PCDHA10: variants seen among roughly 807,000 people sequenced by gnomAD.
PCDHA10 encodes the protein protocadherin alpha 10, also known as protocadherin alpha-10.
In PCDHA10, 45 loss-of-function variants were observed where a neutral mutation model predicts 61.2. The observed-to-expected ratio is 0.74, with a 90% CI of 0.58 to 0.94. PCDHA10 has a LOEUF of 0.94. PCDHA10 is among the 40% of genes least tolerant of loss of function. The pLI, the probability that PCDHA10 is intolerant of heterozygous loss-of-function variation, is 0.00. For missense variants in PCDHA10, 1,278 were observed against 1,236.2 expected, an observed-to-expected ratio of 1.03 and a Z score of -0.51; for synonymous variants, 602 against 548.8, an observed-to-expected ratio of 1.10 and a Z score of -1.35.
intron 3 of PCDHA10, among the ~76,000 whole-genome samples, chr5:140,982,824 GGTTT>G (rs74513655): frequency 0.037 from 5,640 of 152,044 alleles, 162 homozygotes; most frequent in Non-Finnish European, 0.055. Flanking sequence ...AAGTTTTTGG[GGTTT>G]GTTTGTTTGT....
chr5:140,943,603 G>A (rs1554215788), intron 1 of PCDHA10, among the ~76,000 whole-genome samples: 1 of 152,100 alleles, frequency 6.6e-6, no homozygotes, highest in African/African-American at 2.4e-5. Context: ...TCTAAATATA[G>A]ACTTTGATTC....
chr5:141,006,282 G>A (rs2098265578), intron 3 of PCDHA10, among the ~76,000 whole-genome samples: 1 of 151,970 alleles, frequency 6.6e-6, no homozygotes, highest in Non-Finnish European at 1.5e-5. Context: ...CACGATCTCA[G>A]CTCACTGCAA....
In PCDHA10 at chr5:140,875,437, C is replaced by CTGAT. The variant is rs782126939; in HGVS notation, c.2388+17004_2388+17007dup. The stretch of plus-strand genomic sequence containing the variant: ...ACCTCAGGCAAGCGATCCCTTAAAA[C>CTGAT]TGATTGTCCCAACTCAGAGGCCCTC... On this transcript the variant is annotated intron_variant, in intron 1 of 3. Transcript: ENST00000307360. 4 of 1,565,778 alleles carry CTGAT rather than the reference C, an allele frequency of 2.6e-6. No homozygotes were observed. In the South Asian group the frequency reaches 3.6e-5, roughly 14 times the overall value.
intron 1 of PCDHA10, among the ~76,000 whole-genome samples, chr5:140,911,380 T>C (rs1365945638): frequency 4.6e-5 from 7 of 152,212 alleles, no homozygotes; most frequent in African/African-American, 1.7e-4. Flanking sequence ...AGGCTGTGCA[T>C]GCACCTTTCA....
At chr5:140,881,638 A>G (rs1237929257) in intron 1 of PCDHA10, among the ~76,000 whole-genome samples, 1 of 152,214 alleles carries the variant, frequency 6.6e-6, no homozygotes, top group Non-Finnish European at 1.5e-5. Context: ...TCAGTTACCA[A>G]TATTTTTCAC....
At chr5:140,981,601 T>C (rs2096939953) in intron 2 of PCDHA10, among the ~76,000 whole-genome samples, 1 of 152,086 alleles carries the variant, frequency 6.6e-6, no homozygotes, top group Non-Finnish European at 1.5e-5. Flanking sequence ...AACAAAATGT[T>C]CCTCTAATTT....
intron 1 of PCDHA10, chr5:140,883,972 C>G (rs781784485): frequency 3.1e-6 from 5 of 1,612,854 alleles, no homozygotes; most frequent in Non-Finnish European, 4.2e-6. Context: ...TGCTGACGCC[C>G]GGGGCTGGCA....
In PCDHA10 at chr5:140,947,881, A is replaced by G. The variant is rs191017624; in HGVS notation, c.2389-31068A>G. On this transcript the variant is annotated intron_variant, in intron 1 of 3. Transcript: ENST00000307360. ...TATAATGGCTAGGACTTCCAGGACA[A>G]TATAAACAGAAGTGGTGAGAGCAGA... 2.7e-3 allele frequency among the ~76,000 whole-genome samples: 417 copies of G among 151,684 alleles called. 2 individuals carry two copies. Among genetic ancestry groups the G allele is most frequent in the Middle Eastern group, 0.014 (4 of 294 alleles).
At chr5:140,870,073 A>T in intron 1 of PCDHA10, 1 of 1,613,872 alleles carries the variant, frequency 6.2e-7, no homozygotes, top group Non-Finnish European at 8.5e-7. Context: ...GGCTACAGAT[A>T]AGGGGACTCC....
At chr5:140,906,872 C>T (rs1421521976) in intron 1 of PCDHA10, among the ~76,000 whole-genome samples, 4 of 152,230 alleles carry the variant, frequency 2.6e-5, no homozygotes, top group African/African-American at 9.6e-5. Flanking sequence ...CCAGCCAACA[C>T]TGTAACTTCC....
At chr5:140,899,204 C>T (rs1286752140) in intron 1 of PCDHA10, among the ~76,000 whole-genome samples, 2 of 151,972 alleles carry the variant, frequency 1.3e-5, no homozygotes, top group African/African-American at 4.8e-5. Context: ...CCTAATTGCC[C>T]TGGCCAGAAC....
rs2044616338 is a variant in PCDHA10 at position 140,857,471 on chromosome 5, A to T, written c.1423A>T (p.Thr475Ser). The change falls in exon 1 of 4, where the codon ACG (threonine) becomes TCG (serine). Residue 475 changes from threonine to serine, a missense_variant. Transcript: ENST00000307360. ...ENNPPGCHIF[T>S]VSAWDADAQE... ...CAACCCGCCAGGCTGCCACATCTTC[A>T]CGGTGTCTGCGTGGGACGCGGACGC... is the stretch of plus-strand genomic sequence containing the variant. 6.3e-7 allele frequency: 1 copy of T among 1,598,536 alleles called. No homozygotes were observed. The highest frequency in any genetic ancestry group is 8.6e-7 in the Non-Finnish European group (1 of 1,167,882).
chr5:140,980,294 A>G (rs1325974235), intron 2 of PCDHA10, among the ~76,000 whole-genome samples: 1 of 152,234 alleles, frequency 6.6e-6, no homozygotes, highest in Non-Finnish European at 1.5e-5. Context: ...TACCAAAGCT[A>G]TGAGTTGTGC....
At chr5:140,901,599 A>G (rs1196199794) in intron 1 of PCDHA10, among the ~76,000 whole-genome samples, 2 of 152,132 alleles carry the variant, frequency 1.3e-5, no homozygotes, top group South Asian at 2.1e-4. Flanking sequence ...TTTGGTTACT[A>G]TATCTCTATG....
chr5:140,968,405 G>C (rs2096244938), intron 1 of PCDHA10: 7 of 1,614,002 alleles, frequency 4.3e-6, no homozygotes, highest in Non-Finnish European at 5.9e-6. Flanking sequence ...GGAGTTCTTT[G>C]TGACTGTGGA....
At position 140,856,326 on chromosome 5, in the gene PCDHA10, A is replaced by G; in HGVS notation, c.278A>G (p.Glu93Gly). The G allele has an allele frequency of 6.3e-7, 1 of 1,598,548 alleles. No homozygotes were observed. The highest frequency in any genetic ancestry group is 8.6e-7 in the Non-Finnish European group (1 of 1,168,012). ...GTGAATTCTCGGATTGACCGCGAGG[A>G]GCTGTGCGGGCGGAGCGTGGAGTGC... ...LFVNSRIDRE[E>G]LCGRSVECSI... The change falls in exon 1 of 4, where the codon GAG (glutamate) becomes GGG (glycine). Residue 93 changes from glutamate to glycine, a missense_variant. By Grantham distance (98) the Glu-to-Gly change is moderately conservative. Transcript: ENST00000307360.
intron 1 of PCDHA10, chr5:140,870,708 C>A (rs781841032): frequency 1.9e-6 from 3 of 1,613,016 alleles, no homozygotes; most frequent in East Asian, 4.5e-5. Context: ...TCCAGGTGAG[C>A]GCGCGCGATG....
intron 1 of PCDHA10, chr5:140,927,232 G>A (rs1554204208): frequency 6.2e-7 from 1 of 1,614,104 alleles, no homozygotes; most frequent in African/African-American, 1.3e-5. Flanking sequence ...TCGGATTCAC[G>A]TCCTGGACAC....
chr5:140,884,460 C>A (rs782410675), intron 1 of PCDHA10: 72 of 1,613,614 alleles, frequency 4.5e-5, no homozygotes, highest in Non-Finnish European at 5.8e-5. Context: ...ACCGAGGGCG[C>A]GTGCGCGCCG....
Sources: gnomAD v4.1 joint callset for allele counts (sites outside exome capture counted in the v4.1 genomes callset) on GRCh38, gnomAD v4.1.1 for gene constraint, MANE v1.5 for transcripts, NCBI Gene and HGNC (gene_info 2026-07-23, HGNC 2026-07-21) for gene names.